AUTS2: variants seen among roughly 807,000 people sequenced by gnomAD.
AUTS2 encodes the protein autism susceptibility gene 2 protein.
AUTS2 carries 17 observed loss-of-function variants against 112.4 expected under a neutral mutation model. The observed-to-expected ratio is 0.15, with a 90% CI of 0.10 to 0.23. The LOEUF (loss-of-function observed/expected upper bound fraction) is 0.23, where lower values mean the gene tolerates loss of function less well. Ranked by LOEUF, AUTS2 falls within the 10% of genes least tolerant of loss-of-function variation. The pLI, the probability that AUTS2 is intolerant of heterozygous loss-of-function variation, is 1.00. For missense variants in AUTS2, 1,510 were observed against 1,701.6 expected (o/e 0.89, Z 1.98); for synonymous variants, 751 against 702.7 (o/e 1.07, Z -1.09).
intron 2 of AUTS2, among the ~76,000 whole-genome samples, chr7:70,065,559 G>C (rs1263233757): frequency 6.6e-6 from 1 of 151,988 alleles, no homozygotes; most frequent in Non-Finnish European, 1.5e-5. Context: ...AGCTGGGTGT[G>C]GTGGCACCAT....
intron 1 of AUTS2, among the ~76,000 whole-genome samples, chr7:69,856,143 T>C (rs1347466681): frequency 1.3e-5 from 2 of 152,198 alleles, no homozygotes; most frequent in East Asian, 1.9e-4. Flanking sequence ...ATTTTTTTTA[T>C]GTTTCCTCAG....
intron 18 of AUTS2, among the ~76,000 whole-genome samples, chr7:70,788,486 C>CT (rs1791664417): frequency 6.6e-6 from 1 of 152,202 alleles, no homozygotes; most frequent in Non-Finnish European, 1.5e-5. Flanking sequence ...ACATTCATCT[C>CT]TGAGCTGTGA....
intron 1 of AUTS2, among the ~76,000 whole-genome samples, chr7:69,765,716 G>T (rs1164275121): frequency 1.3e-5 from 2 of 152,144 alleles, no homozygotes; most frequent in Admixed American, 1.3e-4. Flanking sequence ...GAAGCGGGAG[G>T]ATTGCTTGAG....
At chr7:70,091,867 G>T (rs1803938672) in intron 2 of AUTS2, among the ~76,000 whole-genome samples, 1 of 152,176 alleles carries the variant, frequency 6.6e-6, no homozygotes, top group African/African-American at 2.4e-5. Context: ...AAGATGATAG[G>T]TGTTCACTTT....
At chr7:70,274,170 C>T (rs898403827) in intron 4 of AUTS2, among the ~76,000 whole-genome samples, 6 of 152,028 alleles carry the variant, frequency 3.9e-5, no homozygotes, top group African/African-American at 1.2e-4. Context: ...GTATATTTGC[C>T]TTAAGTTCTT....
intron 4 of AUTS2, among the ~76,000 whole-genome samples, chr7:70,426,830 C>T (rs1795458177): frequency 6.6e-6 from 1 of 152,168 alleles, no homozygotes; most frequent in South Asian, 2.1e-4. Context: ...GGAAAAGGCT[C>T]AGGGTGATTT....
chr7:69,809,370 G>T (rs117302596), intron 1 of AUTS2, among the ~76,000 whole-genome samples: 5 of 152,222 alleles, frequency 3.3e-5, no homozygotes, highest in Non-Finnish European at 5.9e-5. Context: ...GAGCCACCAC[G>T]CCTGGCCGAT....
intron 4 of AUTS2, among the ~76,000 whole-genome samples, chr7:70,341,461 A>T (rs1791261577): frequency 6.6e-6 from 1 of 152,182 alleles, no homozygotes; most frequent in African/African-American, 2.4e-5. Context: ...CATTTTGTAA[A>T]TGTTGCCTTA....
chr7:70,762,302 T>G (rs1254045909), intron 6 of AUTS2, among the ~76,000 whole-genome samples: 1 of 152,206 alleles, frequency 6.6e-6, no homozygotes, highest in Non-Finnish European at 1.5e-5. Context: ...TAGTCTAGGC[T>G]GCTGTTTTTT....
At chr7:70,761,664 T>C (rs1402537367) in intron 6 of AUTS2, among the ~76,000 whole-genome samples, 1 of 152,232 alleles carries the variant, frequency 6.6e-6, no homozygotes, top group Non-Finnish European at 1.5e-5. Flanking sequence ...GGAGTTTGGC[T>C]TATGGGGTAA....
intron 2 of AUTS2, among the ~76,000 whole-genome samples, chr7:70,113,794 C>T (rs1227493759): frequency 6.6e-6 from 1 of 152,142 alleles, no homozygotes; most frequent in South Asian, 2.1e-4. Context: ...TGAAACTCTC[C>T]ATATCCAAGC....
At chr7:69,940,559 G>A (rs772542485) in intron 2 of AUTS2, among the ~76,000 whole-genome samples, 32 of 152,264 alleles carry the variant, frequency 2.1e-4, no homozygotes, top group African/African-American at 4.3e-4. Context: ...GAAGTCCTCC[G>A]TAGGTCCCAC....
chr7:70,370,259 C>A (rs1242141302), intron 4 of AUTS2, among the ~76,000 whole-genome samples: 1 of 152,132 alleles, frequency 6.6e-6, no homozygotes, highest in African/African-American at 2.4e-5. Flanking sequence ...TCACCATAAT[C>A]AATTTTAGAA....
At chr7:70,281,549 A>G (rs1346040054) in intron 4 of AUTS2, among the ~76,000 whole-genome samples, 2 of 152,216 alleles carry the variant, frequency 1.3e-5, no homozygotes, top group Non-Finnish European at 2.9e-5. Flanking sequence ...AAAGTGACCA[A>G]CCATTTGAAA....
intron 4 of AUTS2, among the ~76,000 whole-genome samples, chr7:70,267,781 T>G (rs986873075): frequency 2.0e-5 from 3 of 152,058 alleles, no homozygotes; most frequent in Non-Finnish European, 2.9e-5. Context: ...AAAAAGGAGA[T>G]TTGGCCATGT....
rs1246099364 is a variant in AUTS2, at chr7:69,898,368, C to T, written c.310-918C>T. ...ATTGCTTAGTGTGTGCATCATTTCT[C>T]ACAGGGCAGAGGATATTTGCATGTA... On this transcript the variant is annotated intron_variant, in intron 1 of 18. Transcript: ENST00000342771. Among the ~76,000 whole-genome samples the T allele has an allele frequency of 5.9e-5, 9 of 152,258 alleles. No individual in the cohort carries two copies. The East Asian group carries it at 1.7e-3, about 29-fold the overall frequency.
intron 1 of AUTS2, among the ~76,000 whole-genome samples, chr7:69,884,191 G>A (rs1356898774): frequency 6.6e-6 from 1 of 152,210 alleles, no homozygotes; most frequent in East Asian, 1.9e-4. Context: ...AATGAGTTAT[G>A]TACTTAGTAA....
At chr7:70,496,679 C>T (rs1220443350) in intron 5 of AUTS2, among the ~76,000 whole-genome samples, 13 of 139,798 alleles carry the variant, frequency 9.3e-5, no homozygotes, top group South Asian at 5.0e-4. Context: ...CGATCACACA[C>T]CCCACTCACA....
chr7:70,405,375 C>T (rs942127272), intron 4 of AUTS2, among the ~76,000 whole-genome samples: 4 of 152,148 alleles, frequency 2.6e-5, no homozygotes, highest in African/African-American at 7.2e-5. Flanking sequence ...TGTTTCATGG[C>T]GTTCGTACGT....
Sources: allele counts gnomAD v4.1 joint callset (sites outside exome capture counted in the v4.1 genomes callset), GRCh38; gene constraint gnomAD v4.1.1; transcripts MANE v1.5; gene names NCBI Gene and HGNC (gene_info 2026-07-23, HGNC 2026-07-21).